Variants in LDLRAD4 observed in about 807,000 individuals in gnomAD.
LDLRAD4 encodes the protein low-density lipoprotein receptor class A domain-containing protein 4.
In LDLRAD4, 5 loss-of-function variants were observed where a neutral mutation model predicts 17.0. The observed-to-expected ratio is 0.29, with a 90% CI of 0.15 to 0.62. The LOEUF is 0.62. Among genes scored for constraint, LDLRAD4 ranks in the 20% least tolerant of loss-of-function variants. The pLI, the probability that LDLRAD4 is intolerant of heterozygous loss-of-function variation, is 0.84. For synonymous variants in LDLRAD4, 168 were observed against 171.8 expected (o/e 0.98, Z 0.17); for missense variants, 340 against 424.7 (o/e 0.80, Z 1.75).
chr18:13,290,191 C>T (rs1287730068), intron 1 of LDLRAD4, among the ~76,000 whole-genome samples: 1 of 152,184 alleles, frequency 6.6e-6, no homozygotes, highest in Non-Finnish European at 1.5e-5. Context: ...GATTCTGTTT[C>T]CCCATAATTC....
intron 2 of LDLRAD4, among the ~76,000 whole-genome samples, chr18:13,391,702 C>T (rs1238549332): frequency 1.3e-5 from 2 of 152,152 alleles, no homozygotes; most frequent in African/African-American, 2.4e-5. Flanking sequence ...TTCCTACACG[C>T]ATCTTTGCCA....
chr18:13,499,398 C>T (rs111239900), intron 3 of LDLRAD4, among the ~76,000 whole-genome samples: 21,135 of 137,684 alleles, frequency 0.15, 2,170 homozygotes, highest in Middle Eastern at 0.3. Flanking sequence ...CACACACTTC[C>T]CACCATGGAC....
At chr18:13,320,504 T>C (rs1041106478) in intron 1 of LDLRAD4, among the ~76,000 whole-genome samples, 2 of 152,136 alleles carry the variant, frequency 1.3e-5, no homozygotes, top group Non-Finnish European at 2.9e-5. Flanking sequence ...CATAATTCCT[T>C]ATGGAAGAGT....
chr18:13,525,921 G>A (rs377663801), intron 3 of LDLRAD4, among the ~76,000 whole-genome samples: 6 of 152,302 alleles, frequency 3.9e-5, no homozygotes, highest in South Asian at 4.1e-4. Context: ...GATATCTTGC[G>A]CCCTCCTGTG....
At chr18:13,579,943 CAGGGCCCCTGAGTCTCCCTTCT>C in intron 3 of LDLRAD4, among the ~76,000 whole-genome samples, 1 of 152,304 alleles carries the variant, frequency 6.6e-6, no homozygotes, top group African/African-American at 2.4e-5. Flanking sequence ...CTGTGAGAGC[CAGGGCCCCTGAGTCTCCCTTCT>C]AGGGCCCCTA....
intron 1 of LDLRAD4, among the ~76,000 whole-genome samples, chr18:13,233,912 T>TG (rs1404768840): frequency 6.6e-6 from 1 of 152,202 alleles, no homozygotes; most frequent in East Asian, 1.9e-4. Context: ...CCCCCAGCCC[T>TG]GTCACTCCCT....
chr18:13,378,288 C>T (rs1455735910), intron 1 of LDLRAD4, among the ~76,000 whole-genome samples: 3 of 152,164 alleles, frequency 2.0e-5, no homozygotes, highest in Non-Finnish European at 2.9e-5. Context: ...GACAGCTGCT[C>T]CTGGGGACAG....
intron 2 of LDLRAD4, among the ~76,000 whole-genome samples, chr18:13,425,239 C>T (rs902623028): frequency 7.9e-5 from 12 of 152,144 alleles, no homozygotes; most frequent in African/African-American, 2.7e-4. Flanking sequence ...AAAAATAAGG[C>T]AAGGAACATA....
chr18:13,221,524 G>A (rs952024357), intron 1 of LDLRAD4, among the ~76,000 whole-genome samples: 3 of 152,134 alleles, frequency 2.0e-5, no homozygotes, highest in Non-Finnish European at 4.4e-5. Flanking sequence ...GAAAATTTAG[G>A]CCACAAGACC....
chr18:13,412,011 A>T (rs2088413488), intron 2 of LDLRAD4, among the ~76,000 whole-genome samples: 1 of 151,934 alleles, frequency 6.6e-6, no homozygotes, highest in African/African-American at 2.4e-5. Context: ...CCAGCTAATT[A>T]AAAAAATTGT....
At chr18:13,651,226 G>A (rs1018229706) in exon 6 of LDLRAD4, 2 of 152,244 alleles carry the variant, frequency 1.3e-5, no homozygotes, top group Admixed American at 1.3e-4. Flanking sequence ...TGCAGCAGAA[G>A]ACTTTGTTCA....
At position 13,351,849 on chromosome 18, in the gene LDLRAD4, A is replaced by G. The variant is rs1019443904; in HGVS notation, c.-382-35492A>G. Among the ~76,000 whole-genome samples the G allele has an allele frequency of 5.9e-5, 9 of 152,232 alleles. 1 individual carries two copies. The highest frequency in any genetic ancestry group is 4.1e-4 in the South Asian group (2 of 4,826). On this transcript the variant is annotated intron_variant, in intron 1 of 5. Transcript: ENST00000359446. The stretch of plus-strand genomic sequence containing the variant: ...AGGTCAATATCCCTGATGAACATCA[A>G]TGCAAACATTTTCAATAAGATACTG...
intron 1 of LDLRAD4, among the ~76,000 whole-genome samples, chr18:13,252,856 G>A (rs964905126): frequency 1.2e-4 from 18 of 152,218 alleles, no homozygotes; most frequent in Admixed American, 3.3e-4. Flanking sequence ...GCAGTGTTGC[G>A]CTGTTCCTAG....
chr18:13,420,681 A>G (rs1290959689), intron 2 of LDLRAD4: 1 of 152,252 alleles, frequency 6.6e-6, no homozygotes, highest in South Asian at 2.1e-4. Context: ...TTCACGGTGA[A>G]ACTTTACTCA....
At chr18:13,618,932 C>CTGG (rs1200458728) in intron 3 of LDLRAD4, among the ~76,000 whole-genome samples, 1 of 152,198 alleles carries the variant, frequency 6.6e-6, no homozygotes, top group Non-Finnish European at 1.5e-5. Flanking sequence ...TATCCCTGGG[C>CTGG]TGGTGGCTGA....
chr18:13,495,469 G>T (rs1600818782), intron 3 of LDLRAD4, among the ~76,000 whole-genome samples: 1 of 152,198 alleles, frequency 6.6e-6, no homozygotes, highest in Non-Finnish European at 1.5e-5. Context: ...AGCAGCTTTG[G>T]TGCTGTCCCT....
chr18:13,577,079 A>AT (rs34887130), intron 3 of LDLRAD4, among the ~76,000 whole-genome samples: 110,600 of 150,284 alleles, frequency 0.74, 40,834 homozygotes, highest in Admixed American at 0.8. Flanking sequence ...GCGGTTTAGC[A>AT]TTTTTTTTTT....
intron 3 of LDLRAD4, among the ~76,000 whole-genome samples, chr18:13,589,891 G>A (rs1350795875): frequency 6.6e-6 from 1 of 152,190 alleles, no homozygotes; most frequent in African/African-American, 2.4e-5. Flanking sequence ...TGATCCGGGG[G>A]TGCTGGGCCT....
intron 1 of LDLRAD4, among the ~76,000 whole-genome samples, chr18:13,258,921 C>T (rs1019118860): frequency 5.9e-5 from 9 of 152,148 alleles, no homozygotes; most frequent in African/African-American, 1.9e-4. Flanking sequence ...TGATTTTAAT[C>T]CAGAATGGCC....
Sources: allele counts gnomAD v4.1 joint callset (sites outside exome capture counted in the v4.1 genomes callset), GRCh38; gene constraint gnomAD v4.1.1; transcripts MANE v1.5; gene names NCBI Gene and HGNC (gene_info 2026-07-23, HGNC 2026-07-21).